TMEM178B: variants seen among roughly 807,000 people sequenced by gnomAD.
TMEM178B encodes the protein transmembrane protein 178B.
A neutral mutation model predicts 31.0 loss-of-function variants in TMEM178B; 5 were observed. The ratio of observed to expected loss-of-function variants is 0.16; its 90% CI spans 0.08 to 0.34. The LOEUF (loss-of-function observed/expected upper bound fraction) is 0.34, where lower values mean the gene tolerates loss of function less well. Ranked by LOEUF, TMEM178B falls within the 10% of genes least tolerant of loss-of-function variation. The pLI, the probability that TMEM178B is intolerant of heterozygous loss-of-function variation, is 1.00. For missense variants in TMEM178B, 275 were observed against 400.3 expected, an observed-to-expected ratio of 0.69 and a Z score of 2.67; for synonymous variants, 164 against 164.0, an observed-to-expected ratio of 1.00 and a Z score of 0.00.
chr7:141,324,590 C>G (rs1799158352), intron 2 of TMEM178B, among the ~76,000 whole-genome samples: 1 of 151,738 alleles, frequency 6.6e-6, no homozygotes, highest in African/African-American at 2.4e-5. Flanking sequence ...CATCCCATGC[C>G]TTTGAGCAAT....
At chr7:141,169,561 C>A (rs147453755) in intron 1 of TMEM178B, among the ~76,000 whole-genome samples, 256 of 152,284 alleles carry the variant, frequency 1.7e-3, no homozygotes, top group East Asian at 6.8e-3. Context: ...ATCTAGACAC[C>A]TGGCTCTTGG....
intron 1 of TMEM178B, among the ~76,000 whole-genome samples, chr7:141,157,058 T>A (rs943160083): frequency 6.6e-6 from 1 of 152,180 alleles, no homozygotes; most frequent in Non-Finnish European, 1.5e-5. Context: ...CCTGAGTATA[T>A]CCTTCTCTTA....
At chr7:141,377,044 C>A (rs1800227071) in intron 2 of TMEM178B, among the ~76,000 whole-genome samples, 1 of 151,896 alleles carries the variant, frequency 6.6e-6, no homozygotes, top group Non-Finnish European at 1.5e-5. Flanking sequence ...AGAAAATATG[C>A]CCTAAGATTG....
intron 1 of TMEM178B, among the ~76,000 whole-genome samples, chr7:141,116,634 C>A (rs1313344020): frequency 6.6e-6 from 1 of 152,006 alleles, no homozygotes; most frequent in Non-Finnish European, 1.5e-5. Flanking sequence ...ATCATCTACA[C>A]TAGGTATTTC....
At chr7:141,259,029 C>G (rs1221167688) in intron 2 of TMEM178B, among the ~76,000 whole-genome samples, 2 of 152,092 alleles carry the variant, frequency 1.3e-5, no homozygotes, top group Non-Finnish European at 2.9e-5. Flanking sequence ...AGTTTTTGGC[C>G]ACTAGTTCTT....
At chr7:141,362,199 A>G (rs567317369) in intron 2 of TMEM178B, among the ~76,000 whole-genome samples, 3 of 152,360 alleles carry the variant, frequency 2.0e-5, no homozygotes, top group East Asian at 3.9e-4. Context: ...ATGATTTGCA[A>G]TCTTCGTCTG....
At chr7:141,129,460 C>T (rs1399221386) in intron 1 of TMEM178B, among the ~76,000 whole-genome samples, 1 of 152,078 alleles carries the variant, frequency 6.6e-6, no homozygotes, top group Non-Finnish European at 1.5e-5. Context: ...ATGTACACAC[C>T]CATGTCACCA....
chr7:141,509,518 C>T, the TMEM178B span, among the ~76,000 whole-genome samples: 2 of 151,834 alleles, frequency 1.3e-5, no homozygotes, highest in South Asian at 2.1e-4. Context: ...GGCATGGTGG[C>T]GGGCGCCTGT....
intron 2 of TMEM178B, among the ~76,000 whole-genome samples, chr7:141,337,032 C>T (rs1207276542): frequency 3.6e-5 from 3 of 83,492 alleles, no homozygotes; most frequent in Non-Finnish European, 2.3e-5. Context: ...ACCATCACCA[C>T]CACCACCACC....
At chr7:141,210,361 G>T (rs904800619) in intron 1 of TMEM178B, among the ~76,000 whole-genome samples, 1 of 152,186 alleles carries the variant, frequency 6.6e-6, no homozygotes, top group South Asian at 2.1e-4. Context: ...CTACTTGGGG[G>T]CTGAGGCAGG....
intron 2 of TMEM178B, among the ~76,000 whole-genome samples, chr7:141,326,795 T>C (rs1005039219): frequency 2.6e-5 from 4 of 152,228 alleles, no homozygotes; most frequent in Admixed American, 6.5e-5. Context: ...TCTAGACTTG[T>C]GCTGTCCAAT....
At chr7:141,398,656 A>G (rs1464526934) in intron 2 of TMEM178B, among the ~76,000 whole-genome samples, 1 of 152,182 alleles carries the variant, frequency 6.6e-6, no homozygotes, top group Non-Finnish European at 1.5e-5. Flanking sequence ...GAAGCAGGAA[A>G]TGTGATTTGC....
At chr7:141,286,966 C>G (rs1269807696) in intron 2 of TMEM178B, among the ~76,000 whole-genome samples, 1 of 152,184 alleles carries the variant, frequency 6.6e-6, no homozygotes, top group East Asian at 1.9e-4. Flanking sequence ...AAGTCCTTGA[C>G]TCGCTTGTTT....
At chr7:141,194,362 G>A (rs1236261883) in intron 1 of TMEM178B, among the ~76,000 whole-genome samples, 1 of 152,132 alleles carries the variant, frequency 6.6e-6, no homozygotes, top group Non-Finnish European at 1.5e-5. Flanking sequence ...ACAAGTATTG[G>A]CTAAAAACAG....
chr7:141,270,261 T>A (rs1798160465), intron 2 of TMEM178B, among the ~76,000 whole-genome samples: 1 of 152,122 alleles, frequency 6.6e-6, no homozygotes, highest in African/African-American at 2.4e-5. Flanking sequence ...CTCAGGTGGG[T>A]ACAGACAGTC....
the TMEM178B span, among the ~76,000 whole-genome samples, chr7:141,498,911 G>A: frequency 6.6e-6 from 1 of 152,308 alleles, no homozygotes; most frequent in Admixed American, 6.5e-5. Flanking sequence ...ATTGGAGATA[G>A]CCATCAGATG....
intron 1 of TMEM178B, among the ~76,000 whole-genome samples, chr7:141,124,200 C>G (rs1221501807): frequency 1.3e-5 from 2 of 152,094 alleles, no homozygotes; most frequent in African/African-American, 2.4e-5. Context: ...AACCCTGTCT[C>G]TACTAAAAAT....
chr7:141,336,985 C>T (rs1293568447), intron 2 of TMEM178B, among the ~76,000 whole-genome samples: 1 of 100,618 alleles, frequency 9.9e-6, no homozygotes, highest in African/African-American at 5.2e-5. Flanking sequence ...CCACCACCCC[C>T]ATCACTACCA....
chr7:141,252,467 TGG>T (rs1389222548), intron 2 of TMEM178B, among the ~76,000 whole-genome samples: 90 of 152,328 alleles, frequency 5.9e-4, no homozygotes, highest in African/African-American at 2.1e-3. Context: ...CAAGGGAAAC[TGG>T]CCACGATGTA....
Sources: allele counts gnomAD v4.1 joint callset (sites outside exome capture counted in the v4.1 genomes callset), GRCh38; gene constraint gnomAD v4.1.1; transcripts MANE v1.5; gene names NCBI Gene and HGNC (gene_info 2026-07-23, HGNC 2026-07-21).